MAPK8: variants seen among roughly 807,000 people sequenced by gnomAD.
The protein encoded by MAPK8 is mitogen-activated protein kinase 8.
A neutral mutation model predicts 52.9 loss-of-function variants in MAPK8; 13 were observed. The ratio of observed to expected loss-of-function variants is 0.25; its 90% confidence interval spans 0.16 to 0.39. MAPK8 has a LOEUF of 0.39. Ranked by LOEUF, MAPK8 falls within the 10% of genes least tolerant of loss-of-function variation. The pLI is 1.00. For missense variants in MAPK8, 300 were observed against 519.2 expected, an observed-to-expected ratio of 0.58 and a Z score of 4.10; for synonymous variants, 191 against 169.8, an observed-to-expected ratio of 1.12 and a Z score of -0.97.
At chr10:48,403,637 A>G (rs1195150937) in intron 2 of MAPK8, among the ~76,000 whole-genome samples, 1 of 152,190 alleles carries the variant, frequency 6.6e-6, no homozygotes, top group East Asian at 1.9e-4. Context: ...GTAACCAACC[A>G]CATTTAACCA....
intron 1 of MAPK8, among the ~76,000 whole-genome samples, chr10:48,392,154 A>C (rs570684307): frequency 6.6e-6 from 1 of 152,272 alleles, no homozygotes; most frequent in African/African-American, 2.4e-5. Context: ...TGTCTGTCCA[A>C]ATTCTTCTTA....
intron 1 of MAPK8, among the ~76,000 whole-genome samples, chr10:48,349,134 C>T (rs1436457464): frequency 6.6e-6 from 1 of 152,128 alleles, no homozygotes; most frequent in African/African-American, 2.4e-5. Context: ...AAAGCAAGTT[C>T]TTAGAGACCT....
intron 1 of MAPK8, among the ~76,000 whole-genome samples, chr10:48,311,935 C>G (rs568918920): frequency 1.7e-4 from 26 of 152,242 alleles, no homozygotes; most frequent in African/African-American, 5.5e-4. Flanking sequence ...GATGTAGGAA[C>G]CAAAGGAAAT....
rs373050540 is a variant in MAPK8 at position 48,379,938 on chromosome 10, T to TAAAAA, written c.-49-21657_-49-21653dup. Among the ~76,000 whole-genome samples, 277 of 115,780 alleles carry TAAAAA rather than the reference T, an allele frequency of 2.4e-3. 1 individual carries two copies. The highest frequency in any genetic ancestry group is 8.6e-3 in the African/African-American group (255 of 29,792). The allele number at this position is 115,780 out of a possible 152,430, so 76.0% of individuals were successfully genotyped here. ...AGGATTTGGAGGGAAACAAAGCTCT[T>TAAAAA]AAAAAAAAAAAAAAAAAAAAACAGA... On this transcript the variant is annotated intron_variant, in intron 1 of 11. Coordinates refer to ENST00000374189, the MANE Select transcript of MAPK8 (RefSeq NM_001323329.2).
chr10:48,338,108 A>G (rs151128162), intron 1 of MAPK8, among the ~76,000 whole-genome samples: 1 of 152,254 alleles, frequency 6.6e-6, no homozygotes, highest in Non-Finnish European at 1.5e-5. Context: ...TGAAACCAGT[A>G]TCATCCCAAT....
chr10:48,331,204 T>C (rs945155323), intron 1 of MAPK8, among the ~76,000 whole-genome samples: 2 of 152,188 alleles, frequency 1.3e-5, no homozygotes, highest in Admixed American at 6.5e-5. Context: ...AAGGTACTTA[T>C]CTGCCTGCGA....
intron 1 of MAPK8, among the ~76,000 whole-genome samples, chr10:48,399,950 G>A (rs1347245365): frequency 8.5e-5 from 13 of 152,132 alleles, no homozygotes; most frequent in African/African-American, 2.4e-4. Context: ...CATGTCCCCC[G>A]CTGACCCAGT....
intron 1 of MAPK8, among the ~76,000 whole-genome samples, chr10:48,394,939 A>G (rs11101311): frequency 0.17 from 25,867 of 151,806 alleles, 3,220 homozygotes; most frequent in African/African-American, 0.31. Flanking sequence ...AAATAAAAAT[A>G]TTAGCATTCA....
Position 48,434,990 on chromosome 10 carries a change from T to C in MAPK8, c.1245T>C (p.Ser415=), listed in dbSNP as rs2044736207. 1.9e-6 allele frequency: 3 copies of C among 1,605,896 alleles called. No individual in the cohort carries two copies. The South Asian group carries it at 3.3e-5, about 18-fold the overall frequency. Reference sequence around the variant, plus strand: ...CTTTGGCCTCTGATACAGACAGCAGTCTAGAAGCAGCAGCTGGGCCTCTGG... The same window carrying C: ...CTTTGGCCTCTGATACAGACAGCAGCCTAGAAGCAGCAGCTGGGCCTCTGG... ...DPTLASDTDS[S]LEAAAGPLGC... Residue 415 remains serine (S), a synonymous_variant, in exon 12 of 12, where the codon AGT becomes AGC. Transcript: ENST00000374189.
chr10:48,390,101 A>G (rs79072084), intron 1 of MAPK8, among the ~76,000 whole-genome samples: 1,689 of 152,178 alleles, frequency 0.011, 35 homozygotes, highest in African/African-American at 0.039. Flanking sequence ...GGAAGAGCTG[A>G]TGTTTCAGTT....
At chr10:48,316,362 G>T (rs1204730081) in intron 1 of MAPK8, among the ~76,000 whole-genome samples, 2 of 152,300 alleles carry the variant, frequency 1.3e-5, no homozygotes, top group East Asian at 1.9e-4. Context: ...TAGGTATGTT[G>T]TACTATCTAG....
intron 1 of MAPK8, among the ~76,000 whole-genome samples, chr10:48,340,478 C>T (rs1324436919): frequency 6.6e-6 from 1 of 152,132 alleles, no homozygotes; most frequent in African/African-American, 2.4e-5. Flanking sequence ...GAAGCTCAGA[C>T]CCCAGAATTA....
intron 1 of MAPK8, among the ~76,000 whole-genome samples, chr10:48,376,701 G>A (rs1044263067): frequency 6.6e-6 from 1 of 152,222 alleles, no homozygotes; most frequent in Admixed American, 6.5e-5. Flanking sequence ...ACTCCAGTTA[G>A]AATGGCAATC....
intron 3 of MAPK8, 87 bp from the exon 4 acceptor site, chr10:48,409,791 GT>G (rs948007622): frequency 2.6e-5 from 23 of 871,490 alleles, no homozygotes; most frequent in African/African-American, 1.4e-4. Context: ...ACTGATGGTA[GT>G]TTTTTTTAAC....
At chr10:48,427,190 GT>G in intron 10 of MAPK8, 47 bp downstream of exon 10, 1 of 1,381,154 alleles carries the variant, frequency 7.2e-7, no homozygotes. Context: ...GGAGCTTCTG[GT>G]TTTTATATGG....
At chr10:48,405,635 A>G (rs1471177251) in intron 3 of MAPK8, among the ~76,000 whole-genome samples, 1 of 152,206 alleles carries the variant, frequency 6.6e-6, no homozygotes, top group Non-Finnish European at 1.5e-5. Flanking sequence ...GCTTATTCAT[A>G]CTTTTGTGAT....
chr10:48,319,400 C>T (rs1327839812), intron 1 of MAPK8, among the ~76,000 whole-genome samples: 1 of 152,108 alleles, frequency 6.6e-6, no homozygotes, highest in Non-Finnish European at 1.5e-5. Flanking sequence ...AGCAGTCACT[C>T]CCCATTTCTT....
At chr10:48,334,241 T>G (rs1844442430) in intron 1 of MAPK8, among the ~76,000 whole-genome samples, 1 of 152,210 alleles carries the variant, frequency 6.6e-6, no homozygotes, top group Non-Finnish European at 1.5e-5. Context: ...CTTTGTCCCC[T>G]AAGCCTAGAA....
chr10:48,398,681 C>T (rs1036446707), intron 1 of MAPK8, among the ~76,000 whole-genome samples: 1 of 152,182 alleles, frequency 6.6e-6, no homozygotes, highest in African/African-American at 2.4e-5. Context: ...GGTACGTCCA[C>T]ACAATGAAAT....
Sources: gnomAD v4.1 joint callset for allele counts (sites outside exome capture counted in the v4.1 genomes callset) on GRCh38, gnomAD v4.1.1 for gene constraint, MANE v1.5 for transcripts, NCBI Gene and HGNC (gene_info 2026-07-23, HGNC 2026-07-21) for gene names.